Variants in BORCS5 observed in about 807,000 individuals in gnomAD.
BORCS5 encodes the protein BLOC-1 related complex subunit 5, also known as BLOC-1-related complex subunit 5.
In BORCS5, 17 loss-of-function variants were observed where a neutral mutation model predicts 22.1. The ratio of observed to expected loss-of-function variants is 0.77; its 90% CI spans 0.53 to 1.15. The LOEUF (loss-of-function observed/expected upper bound fraction) is 1.15, where lower values mean the gene tolerates loss of function less well. Ranked by LOEUF, BORCS5 falls within the 50% of genes most tolerant of loss-of-function variation. BORCS5 has a pLI of 0.00. For synonymous variants in BORCS5, 117 were observed against 99.8 expected (o/e 1.17, Z -1.03); for missense variants, 247 against 253.2 (o/e 0.98, Z 0.17).
chr12:12,383,570 T>G (rs2136047141), intron 2 of BORCS5, among the ~76,000 whole-genome samples: 1 of 151,340 alleles, frequency 6.6e-6, no homozygotes, highest in East Asian at 1.9e-4. Context: ...TAGCAGATTT[T>G]CTCAGTTTTT....
intron 2 of BORCS5, among the ~76,000 whole-genome samples, chr12:12,377,272 A>T (rs1459805087): frequency 6.7e-6 from 1 of 149,782 alleles, no homozygotes; most frequent in Non-Finnish European, 1.5e-5. Context: ...CCGCCCCGCC[A>T]GGCTCAAGCA....
chr12:12,378,093 C>T (rs1863694291), intron 2 of BORCS5, among the ~76,000 whole-genome samples: 2 of 152,070 alleles, frequency 1.3e-5, no homozygotes, highest in African/African-American at 2.4e-5. Context: ...TATTATAGGC[C>T]GGGCACGGTG....
chr12:12,413,127 T>TTTA (rs1491343582), intron 2 of BORCS5, among the ~76,000 whole-genome samples: 1 of 87,166 alleles, frequency 1.1e-5, no homozygotes, highest in East Asian at 2.4e-4. Context: ...TTTTTTTTTT[T>TTTA]ATTGATCATT....
At chr12:12,450,389 A>G (rs1009483453) in intron 3 of BORCS5, among the ~76,000 whole-genome samples, 1 of 152,264 alleles carries the variant, frequency 6.6e-6, no homozygotes, top group Non-Finnish European at 1.5e-5. Flanking sequence ...CAAGAGTACA[A>G]AATGTACAGA....
chr12:12,422,636 C>T (rs1360580461), intron 2 of BORCS5, among the ~76,000 whole-genome samples: 2 of 151,954 alleles, frequency 1.3e-5, no homozygotes, highest in Non-Finnish European at 2.9e-5. Context: ...TAAGGAATGA[C>T]CTCCAGAGGC....
At position 12,369,975 on chromosome 12, in the gene BORCS5, T is replaced by G. The variant is rs569996365; in HGVS notation, c.202+8626T>G. On this transcript the variant is annotated intron_variant, in intron 2 of 3. Coordinates refer to ENST00000314565, the MANE Select transcript of BORCS5 (RefSeq NM_058169.6). ...CCTGACCTCAGTTGATCTGCCTGCCTCAGCCTCCCAAAATGCTGGAATTAC... is the reference window on the plus strand; with the variant it reads ...CCTGACCTCAGTTGATCTGCCTGCCGCAGCCTCCCAAAATGCTGGAATTAC... 5.3e-5 allele frequency among the ~76,000 whole-genome samples: 8 copies of G among 152,008 alleles called. 1 individual carries two copies. In the South Asian group the frequency reaches 1.7e-3, roughly 32 times the overall value.
chr12:12,401,893 CT>C (rs1435770464), intron 2 of BORCS5, among the ~76,000 whole-genome samples: 1 of 149,648 alleles, frequency 6.7e-6, no homozygotes, highest in Non-Finnish European at 1.5e-5. Context: ...CCTGTCTCTA[CT>C]AAAAAAAAAA....
rs568910555 is a variant in BORCS5 at position 12,439,918 on chromosome 12, A to G, written c.360+4133A>G. 1.5e-3 allele frequency among the ~76,000 whole-genome samples: 226 copies of G among 152,346 alleles called. 1 individual carries two copies. The highest frequency in any genetic ancestry group is 2.1e-3 in the Non-Finnish European group (146 of 68,032). ...TTAGTCACTTCCAAATGAGTAAAGC[A>G]GAGGATGTCATTTTGATCAAACACC... On this transcript the variant is annotated intron_variant, in intron 3 of 3. Transcript: ENST00000314565.
chr12:12,364,361 G>A (rs1278401886), intron 2 of BORCS5, among the ~76,000 whole-genome samples: 2 of 140,040 alleles, frequency 1.4e-5, no homozygotes, highest in Non-Finnish European at 3.1e-5. Context: ...GGGTGACAGA[G>A]TGAGACTTGG....
chr12:12,458,632 G>A (rs1464129935), intron 3 of BORCS5, among the ~76,000 whole-genome samples: 1 of 149,822 alleles, frequency 6.7e-6, no homozygotes, highest in African/African-American at 2.5e-5. Flanking sequence ...AGGCTGGAGG[G>A]CAGTGGTGCG....
Position 12,424,379 on chromosome 12 carries a change from A to G in BORCS5, c.203-11249A>G, listed in dbSNP as rs142219932. ...ATTTCAGTTCCAGAACTTATTTTTC[A>G]TTTCTTTTTAGGTTTTCTGTCTCTT... is the stretch of plus-strand genomic sequence containing the variant. On this transcript the variant is annotated intron_variant, in intron 2 of 3. Coordinates refer to ENST00000314565, the MANE Select transcript of BORCS5 (RefSeq NM_058169.6). Among the ~76,000 whole-genome samples the G allele has an allele frequency of 3.0e-3, 454 of 151,816 alleles. 3 individuals are homozygous for G. Among genetic ancestry groups the G allele is most frequent in the African/African-American group, 9.1e-3 (377 of 41,368 alleles).
intron 2 of BORCS5, among the ~76,000 whole-genome samples, chr12:12,399,301 G>A (rs1270268933): frequency 2.0e-5 from 3 of 151,830 alleles, no homozygotes; most frequent in South Asian, 4.2e-4. Context: ...ATTGGATGGA[G>A]GGAAGGAAAA....
intron 2 of BORCS5, among the ~76,000 whole-genome samples, chr12:12,434,380 T>C (rs1427607120): frequency 6.6e-6 from 1 of 151,836 alleles, no homozygotes; most frequent in African/African-American, 2.4e-5. Flanking sequence ...GGCTCTGCTG[T>C]GAGACAGAAT....
intron 2 of BORCS5, among the ~76,000 whole-genome samples, chr12:12,369,612 A>G (rs1252469258): frequency 6.7e-6 from 1 of 148,672 alleles, no homozygotes; most frequent in Admixed American, 6.8e-5. Flanking sequence ...GTTACAATAT[A>G]GTCTTGATAT....
chr12:12,413,916 G>A (rs1308213186), intron 2 of BORCS5, among the ~76,000 whole-genome samples: 6 of 56,532 alleles, frequency 1.1e-4, no homozygotes, highest in African/African-American at 6.8e-4. Flanking sequence ...CGGACTGGGC[G>A]GCTGGCCGGG....
At chr12:12,433,592 G>A (rs180832053) in intron 2 of BORCS5, among the ~76,000 whole-genome samples, 1 of 152,182 alleles carries the variant, frequency 6.6e-6, no homozygotes, top group Non-Finnish European at 1.5e-5. Context: ...GGGAAATTGG[G>A]TAAAGGGGAC....
At chr12:12,460,355 A>G (rs1211278005) in intron 3 of BORCS5, among the ~76,000 whole-genome samples, 1 of 152,228 alleles carries the variant, frequency 6.6e-6, no homozygotes, top group African/African-American at 2.4e-5. Context: ...CTGACCATGT[A>G]TCTTGCAGCC....
chr12:12,417,265 A>C (rs1005544222), intron 2 of BORCS5, among the ~76,000 whole-genome samples: 3 of 151,750 alleles, frequency 2.0e-5, no homozygotes, highest in African/African-American at 7.3e-5. Flanking sequence ...CAAATTGTGG[A>C]TTTTCCAGTT....
chr12:12,366,849 A>G (rs1863417092), intron 2 of BORCS5, among the ~76,000 whole-genome samples: 3 of 152,228 alleles, frequency 2.0e-5, no homozygotes, highest in Admixed American at 2.0e-4. Flanking sequence ...ACATGCATGC[A>G]TGTGACATTC....
Sources: allele counts gnomAD v4.1 joint callset (sites outside exome capture counted in the v4.1 genomes callset), GRCh38; gene constraint gnomAD v4.1.1; transcripts MANE v1.5; gene names NCBI Gene and HGNC (gene_info 2026-07-23, HGNC 2026-07-21).